SEPTIN2: variants seen among roughly 807,000 people sequenced by gnomAD.
The protein encoded by SEPTIN2 is septin 2, also known as septin-2.
Under a neutral mutation model 46.5 loss-of-function variants are expected in SEPTIN2, and 34 were observed. That is an observed-to-expected ratio of 0.73 (90% CI 0.56 to 0.97). The LOEUF is 0.97. SEPTIN2 is among the 50% of genes least tolerant of loss of function. The pLI, the probability that SEPTIN2 is intolerant of heterozygous loss-of-function variation, is 0.00. For missense variants in SEPTIN2, 347 were observed against 448.4 expected (o/e 0.77, Z 2.04); for synonymous variants, 175 against 153.4 (o/e 1.14, Z -1.04).
chr2:241,320,300 TC>T (rs1395400657), intron 1 of SEPTIN2: 1 of 471,228 alleles, frequency 2.1e-6, no homozygotes, highest in South Asian at 1.5e-5. Flanking sequence ...ATGTCTTTAA[TC>T]AGCTGCTTAG....
chr2:241,319,580 G>T (rs1468372797), intron 1 of SEPTIN2, among the ~76,000 whole-genome samples: 1 of 152,170 alleles, frequency 6.6e-6, no homozygotes, highest in African/African-American at 2.4e-5. Flanking sequence ...TCCTGAATTA[G>T]ATTTAAGCAG....
In SEPTIN2 at chr2:241,337,495, TTA is replaced by T; in HGVS notation, c.457_458del (p.Ile153PhefsTer8). ...AATAGGGTGCATTGTTGCTTTTACTTTATTTCACCTTTTGGACATGGGTAAGT... is the reference window on the plus strand; with the variant it reads ...AATAGGGTGCATTGTTGCTTTTACTTTTTCACCTTTTGGACATGGGTAAGT... On this transcript the variant is annotated frameshift_variant, in exon 6 of 13. Coordinates refer to ENST00000391971, the MANE Select transcript of SEPTIN2 (RefSeq NM_004404.5). LOFTEE classifies it high-confidence loss of function. 6.2e-7 allele frequency: 1 copy of T among 1,613,954 alleles called. No individual in the cohort carries two copies. Among genetic ancestry groups the T allele is most frequent in the Non-Finnish European group, 8.5e-7 (1 of 1,179,926 alleles).
chr2:241,319,226 T>C (rs903341729), intron 1 of SEPTIN2, among the ~76,000 whole-genome samples: 10 of 152,338 alleles, frequency 6.6e-5, no homozygotes, highest in African/African-American at 2.4e-4. Flanking sequence ...CTATGTGTAA[T>C]GGTTTGTCAT....
chr2:241,324,194 C>G, intron 1 of SEPTIN2, 22 bp from the exon 2 acceptor site: 1 of 1,606,480 alleles, frequency 6.2e-7, no homozygotes. Context: ...TTATGTGTGT[C>G]TGTGTGTTTT....
At chr2:241,349,381 A>AT (rs200139954) in intron 11 of SEPTIN2, among the ~76,000 whole-genome samples, 5,438 of 141,928 alleles carry the variant, frequency 0.038, 259 homozygotes, top group Admixed American at 0.15. Context: ...TAAAAAAAAA[A>AT]AAATATATAT....
At chr2:241,330,198 A>T (rs2078760729) in intron 3 of SEPTIN2, among the ~76,000 whole-genome samples, 2 of 152,170 alleles carry the variant, frequency 1.3e-5, no homozygotes, top group Admixed American at 6.5e-5. Flanking sequence ...CTATGATGCA[A>T]CCCGTGTGTT....
chr2:241,346,617 G>A (rs960966004), intron 10 of SEPTIN2: 9 of 155,832 alleles, frequency 5.8e-5, no homozygotes, highest in Non-Finnish European at 1.1e-4. Context: ...TAATTTAGCC[G>A]GGCATGGTGG....
intron 7 of SEPTIN2, among the ~76,000 whole-genome samples, chr2:241,338,867 T>C: frequency 2.3e-5 from 1 of 43,312 alleles, no homozygotes; most frequent in South Asian, 6.0e-4. Flanking sequence ...TAAAAATATA[T>C]ATATTTAATA....
chr2:241,345,611 T>G (rs577497754), intron 9 of SEPTIN2, among the ~76,000 whole-genome samples: 5 of 152,360 alleles, frequency 3.3e-5, no homozygotes, highest in Admixed American at 2.0e-4. Flanking sequence ...AAAAAATTTT[T>G]TAAGAGTGCT....
At chr2:241,316,420 A>G in intron 1 of SEPTIN2, 2 of 1,132,662 alleles carry the variant, frequency 1.8e-6, no homozygotes, top group Non-Finnish European at 2.4e-6. Flanking sequence ...TTCCTCCCTG[A>G]GGCGTGGAGG....
In SEPTIN2 at chr2:241,346,218, T is replaced by G; in HGVS notation, c.895T>G (p.Phe299Val). 6.2e-7 allele frequency: 1 copy of G among 1,613,880 alleles called. No homozygotes were observed. Among genetic ancestry groups the G allele is most frequent in the Non-Finnish European group, 8.5e-7 (1 of 1,179,882 alleles). ...GACCCAGGACCTTCATTATGAAAAC[T>G]TCCGTTCTGAGAGACTCAAGAGAGG... ...EVTQDLHYEN[F>V]RSERLKRGGR... The change falls in exon 10 of 13, where the codon TTC becomes GTC. Residue 299 changes from phenylalanine (F) to valine (V), a missense_variant. Transcript: ENST00000391971.
At chr2:241,325,783 G>A (rs994266254) in intron 2 of SEPTIN2, among the ~76,000 whole-genome samples, 2 of 151,966 alleles carry the variant, frequency 1.3e-5, no homozygotes, top group Admixed American at 1.3e-4. Context: ...TACAACTAAG[G>A]AGTTATACTA....
intron 7 of SEPTIN2, among the ~76,000 whole-genome samples, chr2:241,341,202 A>AGGT (rs1309268374): frequency 1.3e-5 from 2 of 152,116 alleles, no homozygotes; most frequent in Non-Finnish European, 2.9e-5. Context: ...TTGCCCTTCC[A>AGGT]GGTATCTTAT....
At chr2:241,331,109 G>A (rs1160350787) in intron 3 of SEPTIN2, among the ~76,000 whole-genome samples, 1 of 152,156 alleles carries the variant, frequency 6.6e-6, no homozygotes, top group African/African-American at 2.4e-5. Flanking sequence ...AATCTGGGAG[G>A]GGGAGGTTTC....
chr2:241,338,389 TAA>T (rs1423029150), intron 7 of SEPTIN2, among the ~76,000 whole-genome samples: 8 of 151,630 alleles, frequency 5.3e-5, no homozygotes, highest in Admixed American at 2.0e-4. Flanking sequence ...TGCTAAACTC[TAA>T]AAATACAAAT....
At chr2:241,331,018 A>G (rs59487360) in intron 3 of SEPTIN2, among the ~76,000 whole-genome samples, 24,041 of 152,072 alleles carry the variant, frequency 0.16, 2,430 homozygotes, top group East Asian at 0.41. Flanking sequence ...GTACTTTTGT[A>G]AAGTACTGAA....
rs955371368 is a variant in SEPTIN2, at chr2:241,352,868, CTTT to C, written c.*934_*936del. The C allele has an allele frequency of 1.1e-4, 17 of 152,224 alleles. No individual in the cohort carries two copies. The highest frequency in any genetic ancestry group is 3.9e-4 in the African/African-American group (16 of 41,516). 9.4% of individuals were successfully genotyped at this position (152,224 alleles called of 1,614,324 possible). On this transcript the variant is annotated 3_prime_UTR_variant, in exon 13 of 13. Transcript: ENST00000391971. Reference sequence around the variant, plus strand: ...GCAGTTGGTCTATTCAGAATCAAACCTTTTTATATTTTATACTGCACTTTAGTG... The same window carrying C: ...GCAGTTGGTCTATTCAGAATCAAACCTTATATTTTATACTGCACTTTAGTG...
intron 3 of SEPTIN2, among the ~76,000 whole-genome samples, chr2:241,329,065 T>G (rs1000077919): frequency 6.6e-6 from 1 of 152,066 alleles, no homozygotes; most frequent in Non-Finnish European, 1.5e-5. Flanking sequence ...AAAAGGTGTA[T>G]GTGGCGGGGA....
rs2060837982 is a variant in SEPTIN2 at position 241,352,077 on chromosome 2, ATTTAATT to A, written c.*146_*152del. The A allele has an allele frequency of 6.6e-6, 1 of 152,640 alleles. No individual in the cohort carries two copies. The highest frequency in any genetic ancestry group is 6.5e-5 in the Admixed American group (1 of 15,284). 9.5% of individuals were successfully genotyped at this position (152,640 alleles called of 1,614,324 possible). On this transcript the variant is annotated 3_prime_UTR_variant, in exon 13 of 13. Coordinates refer to ENST00000391971, the MANE Select transcript of SEPTIN2 (RefSeq NM_004404.5). ...ATTTTAACAGTACCTGTGCCTGAGA[ATTTAATT>A]TTTAAAAGACTTTGATGTGTTTTTG...
Sources: gnomAD v4.1 joint callset for allele counts (sites outside exome capture counted in the v4.1 genomes callset) on GRCh38, gnomAD v4.1.1 for gene constraint, MANE v1.5 for transcripts, NCBI Gene and HGNC (gene_info 2026-07-23, HGNC 2026-07-21) for gene names.